PRR5L: variants seen among roughly 807,000 people sequenced by gnomAD.
PRR5L encodes proline rich 5 like.
PRR5L carries 21 observed loss-of-function variants against 36.4 expected under a neutral mutation model. The observed-to-expected ratio is 0.58, with a 90% confidence interval of 0.41 to 0.83. The LOEUF is 0.83. PRR5L is among the 40% of genes least tolerant of loss of function. PRR5L has a pLI of 0.00. For synonymous variants in PRR5L, 188 were observed against 197.0 expected (o/e 0.95, Z 0.38); for missense variants, 381 against 473.3 (o/e 0.80, Z 1.81).
At chr11:36,430,932 A>C (rs1253365540) in intron 4 of PRR5L, among the ~76,000 whole-genome samples, 1 of 152,218 alleles carries the variant, frequency 6.6e-6, no homozygotes, top group African/African-American at 2.4e-5. Flanking sequence ...AGAATGCATT[A>C]GGTACTTTGG....
chr11:36,331,754 G>T (rs1856721660), intron 1 of PRR5L, among the ~76,000 whole-genome samples: 1 of 152,168 alleles, frequency 6.6e-6, no homozygotes, highest in African/African-American at 2.4e-5. Context: ...GCTGAAAAAA[G>T]AGATTAGCAA....
chr11:36,446,148 G>T, intron 6 of PRR5L, 152 bp from the exon 7 acceptor site: 1 of 780,994 alleles, frequency 1.3e-6, no homozygotes, highest in Non-Finnish European at 2.0e-6. Context: ...GAGGAGCCAG[G>T]TCTTTGGCTC....
In PRR5L at chr11:36,463,592, G is replaced by A. The variant is rs1056075706; in HGVS notation, c.*856G>A. The A allele has an allele frequency of 6.6e-6, 1 of 152,438 alleles. No homozygotes were observed. Among genetic ancestry groups the A allele is most frequent in the Non-Finnish European group, 1.5e-5 (1 of 68,022 alleles). 9.4% of individuals were successfully genotyped at this position (152,438 alleles called of 1,614,324 possible). ...GGGGCCAGCTGATACCAACCAACTG[G>A]CCTGTATCTATCTATCTGGATTTGA... On this transcript the variant is annotated 3_prime_UTR_variant, in exon 9 of 9. Coordinates refer to ENST00000530639, the MANE Select transcript of PRR5L (RefSeq NM_001160167.2).
intron 3 of PRR5L, among the ~76,000 whole-genome samples, chr11:36,417,089 G>A (rs924474508): frequency 6.6e-6 from 1 of 152,160 alleles, no homozygotes; most frequent in Non-Finnish European, 1.5e-5. Context: ...TTTTCCCACT[G>A]TGGGTTCCTT....
intron 1 of PRR5L, among the ~76,000 whole-genome samples, chr11:36,347,934 C>T (rs990066966): frequency 1.3e-5 from 2 of 152,008 alleles, no homozygotes; most frequent in African/African-American, 4.8e-5. Flanking sequence ...CTCCAAGCCT[C>T]CATTTTTCCT....
chr11:36,450,414 A>G (rs1858918923), intron 7 of PRR5L, among the ~76,000 whole-genome samples: 1 of 152,148 alleles, frequency 6.6e-6, no homozygotes, highest in Non-Finnish European at 1.5e-5. Context: ...AGCATGTTTG[A>G]GTCCTTTCCA....
intron 6 of PRR5L, among the ~76,000 whole-genome samples, chr11:36,438,332 T>TG (rs142622046): frequency 0.021 from 3,144 of 152,326 alleles, 58 homozygotes; most frequent in Non-Finnish European, 0.034. Context: ...TGTTGAAGTG[T>TG]GGGCGTCGTA....
At chr11:36,379,108 A>G (rs935313863) in intron 1 of PRR5L, among the ~76,000 whole-genome samples, 1 of 152,240 alleles carries the variant, frequency 6.6e-6, no homozygotes, top group Non-Finnish European at 1.5e-5. Context: ...TATATTGGTT[A>G]TCTGAAAATC....
At chr11:36,337,988 G>A (rs1227551411) in intron 1 of PRR5L, among the ~76,000 whole-genome samples, 1 of 152,150 alleles carries the variant, frequency 6.6e-6, no homozygotes, top group Admixed American at 6.5e-5. Flanking sequence ...CTAAGATGGT[G>A]CCAAAGTTTC....
At chr11:36,359,868 C>A (rs1565415118) in intron 1 of PRR5L, among the ~76,000 whole-genome samples, 1 of 152,154 alleles carries the variant, frequency 6.6e-6, no homozygotes. Context: ...AAAACCCCAT[C>A]TCTACTAAAA....
At chr11:36,446,232 C>G in intron 6 of PRR5L, 68 bp from the exon 7 acceptor site, 1 of 1,563,034 alleles carries the variant, frequency 6.4e-7, no homozygotes, top group Non-Finnish European at 8.7e-7. Context: ...TTGTCTTGAA[C>G]CCCACATGGT....
intron 8 of PRR5L, among the ~76,000 whole-genome samples, chr11:36,456,032 G>T (rs1044251205): frequency 6.6e-6 from 1 of 152,190 alleles, no homozygotes; most frequent in Non-Finnish European, 1.5e-5. Flanking sequence ...GGCTGAGGCA[G>T]CTGTGGAGAG....
At chr11:36,406,198 C>G (rs1857908211) in intron 3 of PRR5L, among the ~76,000 whole-genome samples, 1 of 151,962 alleles carries the variant, frequency 6.6e-6, no homozygotes, top group African/African-American at 2.4e-5. Flanking sequence ...GAGCATGACA[C>G]TCCCCCAGCC....
At chr11:36,383,220 T>C (rs1857400797) in intron 1 of PRR5L, among the ~76,000 whole-genome samples, 1 of 152,250 alleles carries the variant, frequency 6.6e-6, no homozygotes, top group African/African-American at 2.4e-5. Flanking sequence ...GCAAATGTTA[T>C]ACCACAGGCC....
intron 1 of PRR5L, among the ~76,000 whole-genome samples, chr11:36,390,180 CA>C (rs1279563858): frequency 6.6e-6 from 1 of 152,074 alleles, no homozygotes; most frequent in Non-Finnish European, 1.5e-5. Flanking sequence ...GGAACCTAAT[CA>C]GGGGTGAGGA....
chr11:36,437,522 C>T (rs1160462975), intron 6 of PRR5L, 46 bp downstream of exon 6: 1 of 1,242,820 alleles, frequency 8.0e-7, no homozygotes, highest in Non-Finnish European at 1.2e-6. Flanking sequence ...AGCGATCTGT[C>T]TTCTCTCCTG....
chr11:36,398,120 G>A (rs1368021658), intron 1 of PRR5L, among the ~76,000 whole-genome samples: 1 of 152,202 alleles, frequency 6.6e-6, no homozygotes. Flanking sequence ...AATAAAGCCC[G>A]ATGCCTGTCT....
chr11:36,407,826 C>A (rs1857941864), intron 3 of PRR5L, among the ~76,000 whole-genome samples: 1 of 152,120 alleles, frequency 6.6e-6, no homozygotes, highest in South Asian at 2.1e-4. Context: ...TTATAAGTGG[C>A]CTTTCCATTT....
intron 6 of PRR5L, among the ~76,000 whole-genome samples, chr11:36,445,124 G>A (rs543543542): frequency 3.3e-5 from 5 of 152,256 alleles, no homozygotes; most frequent in African/African-American, 1.2e-4. Context: ...GGGGGTCAGG[G>A]GATATGGAGA....
Sources: allele counts gnomAD v4.1 joint callset (sites outside exome capture counted in the v4.1 genomes callset), GRCh38; gene constraint gnomAD v4.1.1; transcripts MANE v1.5; gene names NCBI Gene and HGNC (gene_info 2026-07-23, HGNC 2026-07-21).